Variants in CRISPLD2 observed in about 807,000 individuals in gnomAD.
CRISPLD2 encodes cysteine-rich secretory protein LCCL domain-containing 2.
In CRISPLD2, 47 loss-of-function variants were observed where a neutral mutation model predicts 71.1. The observed-to-expected ratio is 0.66, with a 90% confidence interval of 0.52 to 0.84. The LOEUF is 0.84. Ranked by LOEUF, CRISPLD2 falls within the 40% of genes least tolerant of loss-of-function variation. The pLI is 0.00. For synonymous variants in CRISPLD2, 317 were observed against 250.1 expected, an observed-to-expected ratio of 1.27 and a Z score of -2.52; for missense variants, 830 against 651.1, an observed-to-expected ratio of 1.27 and a Z score of -2.99.
chr16:84,880,896 G>C (rs1216005258), intron 13 of CRISPLD2, among the ~76,000 whole-genome samples: 2 of 151,890 alleles, frequency 1.3e-5, no homozygotes, highest in Non-Finnish European at 2.9e-5. Context: ...GTAGAGACAG[G>C]GTTTCACCAT....
chr16:84,880,407 C>T, intron 12 of CRISPLD2, 102 bp from the exon 13 acceptor site: 1 of 859,040 alleles, frequency 1.2e-6, no homozygotes, highest in Non-Finnish European at 1.8e-6. Flanking sequence ...GGTTTCCTTT[C>T]ATCTACGAAC....
intron 13 of CRISPLD2, among the ~76,000 whole-genome samples, chr16:84,881,873 T>C (rs1414042670): frequency 6.6e-6 from 1 of 152,168 alleles, no homozygotes; most frequent in African/African-American, 2.4e-5. Context: ...TGCCTTAATG[T>C]GTTCCAGATT....
rs776016770 is a variant in CRISPLD2, at chr16:84,906,658, G to C, written c.*16G>C. On this transcript the variant is annotated 3_prime_UTR_variant, in exon 15 of 15. Transcript: ENST00000262424. ...CAGGCAGTGAATTTCCAGCACCAGG[G>C]GAGAAGGGGCGTCTTCAGGAGGGCT... 1.9e-6 allele frequency: 3 copies of C among 1,614,146 alleles called. No homozygotes were observed. In the Admixed American group the frequency reaches 5.0e-5, roughly 27 times the overall value.
intron 14 of CRISPLD2, among the ~76,000 whole-genome samples, chr16:84,902,626 A>G (rs1416495483): frequency 2.0e-5 from 3 of 151,492 alleles, no homozygotes; most frequent in Non-Finnish European, 4.4e-5. Flanking sequence ...AAAAGAAACA[A>G]CAAAATTTGG....
intron 8 of CRISPLD2, among the ~76,000 whole-genome samples, chr16:84,869,531 G>T (rs986457135): frequency 1.3e-5 from 2 of 152,218 alleles, no homozygotes; most frequent in Non-Finnish European, 2.9e-5. Flanking sequence ...TTAGACGTTG[G>T]CAGGACTGTG....
chr16:84,898,522 G>C (rs1361765118), intron 14 of CRISPLD2, among the ~76,000 whole-genome samples: 1 of 152,120 alleles, frequency 6.6e-6, no homozygotes, highest in East Asian at 1.9e-4. Context: ...GTTTTAGACT[G>C]AAATGGCCCC....
intron 13 of CRISPLD2, 130 bp downstream of exon 13, chr16:84,880,714 A>AATTG: frequency 1.7e-6 from 1 of 600,832 alleles, no homozygotes; most frequent in Admixed American, 2.8e-5. Context: ...TTAATTAATT[A>AATTG]ATTAATTTCG....
At chr16:84,878,054 C>CA (rs60773992) in intron 12 of CRISPLD2, among the ~76,000 whole-genome samples, 3,937 of 97,456 alleles carry the variant, frequency 0.04, 113 homozygotes, top group African/African-American at 0.087. Context: ...ACTAAAAATA[C>CA]AAAAAAAAAA....
rs563565844 is a variant in CRISPLD2, at chr16:84,904,619, T to TA, written c.1440-1958dup. Among the ~76,000 whole-genome samples the TA allele has an allele frequency of 1.1e-3, 164 of 145,980 alleles. 2 individuals carry two copies. The East Asian group carries it at 0.021, about 19-fold the overall frequency. The stretch of plus-strand genomic sequence containing the variant: ...AAAAAAAAAAATTTAAAAAAAAAAT[T>TA]AAAAAAAAAAATGATTGGAAGTCCA... On this transcript the variant is annotated intron_variant, in intron 14 of 14. Transcript: ENST00000262424.
At chr16:84,840,524 T>C (rs187540661) in intron 2 of CRISPLD2, among the ~76,000 whole-genome samples, 2 of 152,136 alleles carry the variant, frequency 1.3e-5, no homozygotes, top group East Asian at 1.9e-4. Flanking sequence ...TGTTTGTTTT[T>C]GAGACAGAGT....
In CRISPLD2 at chr16:84,845,853, C is replaced by T. The variant is rs1262750364; in HGVS notation, c.308C>T (p.Pro103Leu). The change falls in exon 3 of 15, where the codon CCC (proline) becomes CTC (leucine). Residue 103 changes from proline (P) to leucine (L), a missense_variant. Pro to Leu is a moderately conservative substitution (Grantham distance 98). Coordinates refer to ENST00000262424, the MANE Select transcript of CRISPLD2 (RefSeq NM_031476.4). ...AGTCAGTGCATCTGGGAGCACGGGC[C>T]CACCAGTCTGCTGGTGTCCATCGGG... ...WASQCIWEHG[P>L]TSLLVSIGQN... The T allele has an allele frequency of 6.2e-7, 1 of 1,614,104 alleles. No individual in the cohort carries two copies. Among genetic ancestry groups the T allele is most frequent in the Non-Finnish European group, 8.5e-7 (1 of 1,179,948 alleles).
intron 14 of CRISPLD2, among the ~76,000 whole-genome samples, chr16:84,891,506 T>G (rs1322186686): frequency 6.6e-6 from 1 of 152,174 alleles, no homozygotes; most frequent in African/African-American, 2.4e-5. Context: ...AAAAGCTTAA[T>G]GAAGGGAAAT....
intron 8 of CRISPLD2, 37 bp from the exon 9 acceptor site, chr16:84,872,405 C>T (rs763378252): frequency 1.9e-6 from 3 of 1,550,708 alleles, no homozygotes; most frequent in South Asian, 2.2e-5. Context: ...AATCAACGTG[C>T]TTATCTCTGA....
At position 84,889,334 on chromosome 16, in the gene CRISPLD2, C is replaced by A. The variant is rs773505675; in HGVS notation, c.1410C>A (p.Gly470=). 1 of 1,613,732 alleles carries A rather than the reference C, an allele frequency of 6.2e-7. No individual in the cohort carries two copies. The highest frequency in any genetic ancestry group is 2.2e-5 in the East Asian group (1 of 44,866). Residue 470 remains glycine (G), a synonymous_variant, in exon 14 of 15, where the codon GGC becomes GGA. Transcript: ENST00000262424. The stretch of plus-strand genomic sequence containing the variant: ...TGGATAAAAAGAAGACCTACGTGGG[C>A]TCGCTCAGGAATGGAGTTCAGTCTG... ...MPVDKKKTYV[G]SLRNGVQSES...
intron 14 of CRISPLD2, among the ~76,000 whole-genome samples, chr16:84,900,264 C>T (rs1331910730): frequency 1.3e-5 from 2 of 152,152 alleles, no homozygotes; most frequent in South Asian, 2.1e-4. Context: ...TAAAAAACAA[C>T]CAGGAATTCC....
rs1330392415 is a variant in CRISPLD2, at chr16:84,854,790, A to G, written c.670A>G (p.Ser224Gly). 1 of 1,614,184 alleles carries G rather than the reference A, an allele frequency of 6.2e-7. No individual in the cohort carries two copies. The highest frequency in any genetic ancestry group is 1.3e-5 in the African/African-American group (1 of 75,038). ...CCGGCCCTGCTCTGAGTGCCCACCCAGCTATGGAGGCAGCTGCAGGAACAA... is the reference window on the plus strand; with the variant it reads ...CCGGCCCTGCTCTGAGTGCCCACCCGGCTATGGAGGCAGCTGCAGGAACAA... ...NGRPCSECPPSYGGSCRNNLC... is the reference protein window; with the variant it reads ...NGRPCSECPPGYGGSCRNNLC... Residue 224 changes from serine to glycine, a missense_variant, in exon 6 of 15, where the codon AGC becomes GGC. Ser to Gly is a moderately conservative substitution (Grantham distance 56). Coordinates refer to ENST00000262424, the MANE Select transcript of CRISPLD2 (RefSeq NM_031476.4).
At chr16:84,883,494 G>C (rs2071585818) in intron 13 of CRISPLD2, among the ~76,000 whole-genome samples, 1 of 152,166 alleles carries the variant, frequency 6.6e-6, no homozygotes, top group South Asian at 2.1e-4. Context: ...TCAGTCTTCT[G>C]TCCTCCCCAT....
At chr16:84,886,348 A>G (rs2071613028) in intron 13 of CRISPLD2, among the ~76,000 whole-genome samples, 1 of 152,156 alleles carries the variant, frequency 6.6e-6, no homozygotes, top group Non-Finnish European at 1.5e-5. Context: ...CTTTGGCTTT[A>G]GCAATGCTTC....
At chr16:84,847,851 T>C (rs1916958501) in intron 3 of CRISPLD2, among the ~76,000 whole-genome samples, 1 of 152,158 alleles carries the variant, frequency 6.6e-6, no homozygotes, top group Non-Finnish European at 1.5e-5. Context: ...TTTCATACAA[T>C]ATCAGGAAAT....
Sources: gnomAD v4.1 joint callset for allele counts (sites outside exome capture counted in the v4.1 genomes callset) on GRCh38, gnomAD v4.1.1 for gene constraint, MANE v1.5 for transcripts, NCBI Gene and HGNC (gene_info 2026-07-23, HGNC 2026-07-21) for gene names.